Variants in SLC2A12 observed in about 807,000 individuals in gnomAD.
SLC2A12 encodes solute carrier family 2 member 12.
In SLC2A12, 23 loss-of-function variants were observed where a neutral mutation model predicts 41.8. The ratio of observed to expected loss-of-function variants is 0.55; its 90% confidence interval spans 0.40 to 0.78. The LOEUF is 0.78. SLC2A12 is among the 30% of genes least tolerant of loss of function. The pLI, the probability that SLC2A12 is intolerant of heterozygous loss-of-function variation, is 0.00. For missense variants in SLC2A12, 654 were observed against 745.6 expected, an observed-to-expected ratio of 0.88 and a Z score of 1.43; for synonymous variants, 295 against 285.9, an observed-to-expected ratio of 1.03 and a Z score of -0.32.
chr6:134,015,279 A>T (rs1017713078), intron 2 of SLC2A12, among the ~76,000 whole-genome samples: 1 of 152,124 alleles, frequency 6.6e-6, no homozygotes, highest in African/African-American at 2.4e-5. Context: ...CATGTGGGGG[A>T]TGGGGACCAA....
At chr6:134,021,131 C>T (rs946848214) in intron 2 of SLC2A12, among the ~76,000 whole-genome samples, 1 of 152,130 alleles carries the variant, frequency 6.6e-6, no homozygotes, top group Non-Finnish European at 1.5e-5. Flanking sequence ...GATTGTTCTG[C>T]AAAAAGCCTC....
chr6:134,039,249 A>G (rs951706171), intron 1 of SLC2A12, among the ~76,000 whole-genome samples: 1 of 152,100 alleles, frequency 6.6e-6, no homozygotes, highest in African/African-American at 2.4e-5. Context: ...CATCCTCCAC[A>G]TCACAGATTT....
chr6:133,995,777 A>G (rs1316955319), intron 4 of SLC2A12, among the ~76,000 whole-genome samples: 2 of 152,198 alleles, frequency 1.3e-5, no homozygotes, highest in Non-Finnish European at 2.9e-5. Context: ...AATTAGAATG[A>G]AACCAAACTC....
At position 134,029,673 on chromosome 6, in the gene SLC2A12, C is replaced by T. The variant is rs753972774; in HGVS notation, c.152G>A (p.Gly51Asp). 13 of 1,610,290 alleles carry T rather than the reference C, an allele frequency of 8.1e-6. No individual in the cohort carries two copies. Among genetic ancestry groups the T allele is most frequent in the Non-Finnish European group, 1.1e-5 (13 of 1,179,560 alleles). Residue 51 changes from glycine to aspartate, a missense_variant, in exon 2 of 5, where the codon GGC becomes GAC. Transcript: ENST00000275230. ...FLSSVTAAVS[G>D]LLVGYELGII... is the part of the protein sequence containing the mutation. ...CCCAAGTTCATAACCCACCAGGAGG[C>T]CACTGACAGCAGCAGTGACAGATGA...
intron 1 of SLC2A12, among the ~76,000 whole-genome samples, chr6:134,044,713 TAAAAAAAAA>T (rs35658583): frequency 9.9e-6 from 1 of 100,526 alleles, no homozygotes; most frequent in Non-Finnish European, 1.9e-5. Context: ...AAACTCCGTC[TAAAAAAAAA>T]AAAAAAAAAA....
chr6:134,052,523 C>A lies in SLC2A12; in HGVS notation c.-43G>T. ...AGCCGCTTCCCCGCCACCAAACCGC[C>A]CCGACCACCCCCGCTCCCAGGAGTG... On this transcript the variant is annotated 5_prime_UTR_variant, in exon 1 of 5. Coordinates refer to ENST00000275230, the MANE Select transcript of SLC2A12 (RefSeq NM_145176.3). 1 of 1,472,668 alleles carries A rather than the reference C, an allele frequency of 6.8e-7. No homozygotes were observed. The allele number at this position is 1,472,668 out of a possible 1,614,324, so 91.2% of individuals were successfully genotyped here.
chr6:134,022,101 TGAG>T (rs1336586738), intron 2 of SLC2A12, among the ~76,000 whole-genome samples: 1 of 151,996 alleles, frequency 6.6e-6, no homozygotes, highest in African/African-American at 2.4e-5. Context: ...TAGAGCTGGG[TGAG>T]ATAATGGAGG....
intron 3 of SLC2A12, 93 bp from the exon 4 acceptor site, chr6:134,002,222 T>A: frequency 2.2e-6 from 3 of 1,346,716 alleles, no homozygotes; most frequent in East Asian, 5.1e-5. Flanking sequence ...TAGCACCATA[T>A]GTATTTTCAA....
chr6:134,037,412 T>G (rs1582623455), intron 1 of SLC2A12, among the ~76,000 whole-genome samples: 1 of 151,646 alleles, frequency 6.6e-6, no homozygotes, highest in East Asian at 1.9e-4. Context: ...CAGGCTGGAG[T>G]GCAGTGGCAT....
intron 4 of SLC2A12, among the ~76,000 whole-genome samples, chr6:133,995,521 T>C (rs1055924398): frequency 3.3e-5 from 5 of 152,102 alleles, no homozygotes. Context: ...AGAGAGAAAG[T>C]GATCTGGAAC....
In SLC2A12 at chr6:134,029,599, A is replaced by C; in HGVS notation, c.226T>G (p.Cys76Gly). 3.1e-6 allele frequency: 5 copies of C among 1,614,106 alleles called. No homozygotes were observed. The highest frequency in any genetic ancestry group is 4.2e-6 in the Non-Finnish European group (5 of 1,180,022). ...CTCACAACCATTTCCTGCTCATGGC[A>C]GCTCAGGGCTAATAAGGTTTTGATC... ...LQIKTLLALS[C>G]HEQEMVVSSL... Residue 76 changes from cysteine to glycine, a missense_variant, in exon 2 of 5, where the codon TGC (cysteine) becomes GGC (glycine). Coordinates refer to ENST00000275230, the MANE Select transcript of SLC2A12 (RefSeq NM_145176.3).
intron 1 of SLC2A12, among the ~76,000 whole-genome samples, chr6:134,051,028 C>T (rs1343328653): frequency 6.6e-6 from 1 of 152,100 alleles, no homozygotes; most frequent in Non-Finnish European, 1.5e-5. Context: ...GATTCTTGTA[C>T]CTCAGCCTCC....
In SLC2A12 at chr6:134,028,654, T is replaced by C. The variant is rs1267731780; in HGVS notation, c.1171A>G (p.Ile391Val). Residue 391 changes from isoleucine to valine, a missense_variant, in exon 2 of 5, where the codon ATT becomes GTT. Physicochemically the swap from Ile to Val is conservative, Grantham distance 29. Transcript: ENST00000275230. ...GTTGACAGGTTTCCTGGTCCATAAA[T>C]CACAGACTCATCCAAGGACTGGTTG... is the stretch of plus-strand genomic sequence containing the variant. ...SINQSLDESVIYGPGNLSTNN... is the reference protein window; with the variant it reads ...SINQSLDESVVYGPGNLSTNN... 6.2e-7 allele frequency: 1 copy of C among 1,614,066 alleles called. No homozygotes were observed. The highest frequency in any genetic ancestry group is 8.5e-7 in the Non-Finnish European group (1 of 1,180,028).
intron 2 of SLC2A12, among the ~76,000 whole-genome samples, chr6:134,019,452 GT>G (rs1777012058): frequency 6.6e-6 from 1 of 152,226 alleles, no homozygotes; most frequent in East Asian, 1.9e-4. Context: ...GAAAAATTCT[GT>G]TATTAAAGGG....
At chr6:133,995,434 C>A (rs1216164557) in intron 4 of SLC2A12, among the ~76,000 whole-genome samples, 1 of 151,948 alleles carries the variant, frequency 6.6e-6, no homozygotes. Context: ...TGGAAGTTTC[C>A]CCCTGATTAT....
intron 2 of SLC2A12, among the ~76,000 whole-genome samples, chr6:134,015,340 A>G (rs1158413386): frequency 6.6e-6 from 1 of 152,174 alleles, no homozygotes; most frequent in Non-Finnish European, 1.5e-5. Context: ...GGAGAGCATC[A>G]GGAAGAATAG....
At chr6:134,019,851 G>A (rs1241583278) in intron 2 of SLC2A12, among the ~76,000 whole-genome samples, 8 of 152,086 alleles carry the variant, frequency 5.3e-5, no homozygotes, top group African/African-American at 1.4e-4. Flanking sequence ...GTAAAACCCC[G>A]TCTCTACTAA....
rs965476426 is a variant in SLC2A12, at chr6:133,990,474, C to A, written c.*681G>T. On this transcript the variant is annotated 3_prime_UTR_variant, in exon 5 of 5. Coordinates refer to ENST00000275230, the MANE Select transcript of SLC2A12 (RefSeq NM_145176.3). ...TTTTTTAAAAATGGAAAAAAATGCT[C>A]ATTTTTCTCAACTATTGTGGAATTA... The A allele has an allele frequency of 9.8e-5, 15 of 152,530 alleles. No homozygotes were observed. The highest frequency in any genetic ancestry group is 3.4e-4 in the African/African-American group (14 of 41,396). 9.4% of individuals were successfully genotyped at this position (152,530 alleles called of 1,614,324 possible). A position where few individuals can be genotyped will look rare whatever the true frequency, so the allele number is the denominator to read the frequency against.
intron 3 of SLC2A12, among the ~76,000 whole-genome samples, chr6:134,004,276 T>C (rs1447257251): frequency 6.6e-6 from 1 of 152,130 alleles, no homozygotes; most frequent in Non-Finnish European, 1.5e-5. Flanking sequence ...GGGCATGTGT[T>C]TATGTGTGTG....
Sources: allele counts gnomAD v4.1 joint callset (sites outside exome capture counted in the v4.1 genomes callset), GRCh38; gene constraint gnomAD v4.1.1; transcripts MANE v1.5; gene names NCBI Gene and HGNC (gene_info 2026-07-23, HGNC 2026-07-21).